Variants in SLC5A11 observed in about 807,000 individuals in gnomAD.
SLC5A11 encodes the protein sodium/myo-inositol cotransporter 2.
SLC5A11 carries 48 observed loss-of-function variants against 69.8 expected under a neutral mutation model. The ratio of observed to expected loss-of-function variants is 0.69; its 90% CI spans 0.55 to 0.87. SLC5A11 has a LOEUF of 0.87. SLC5A11 is among the 40% of genes least tolerant of loss of function. SLC5A11 has a pLI of 0.00. For missense variants in SLC5A11, 784 were observed against 866.1 expected (o/e 0.91, Z 1.19); for synonymous variants, 319 against 342.4 (o/e 0.93, Z 0.75).
At chr16:24,850,166 G>A (rs1200816035) in intron 1 of SLC5A11, among the ~76,000 whole-genome samples, 1 of 152,076 alleles carries the variant, frequency 6.6e-6, no homozygotes, top group Admixed American at 6.5e-5. Flanking sequence ...CCCAAGCTGG[G>A]CTCAAACTCC....
chr16:24,866,937 G>T (rs965187808), intron 3 of SLC5A11, among the ~76,000 whole-genome samples: 1 of 152,064 alleles, frequency 6.6e-6, no homozygotes, highest in Non-Finnish European at 1.5e-5. Flanking sequence ...CTAATAATTG[G>T]TGACTTTAAT....
At chr16:24,863,651 C>CA (rs34129044) in intron 3 of SLC5A11, among the ~76,000 whole-genome samples, 22,045 of 142,514 alleles carry the variant, frequency 0.15, 2,041 homozygotes, top group Non-Finnish European at 0.22. Context: ...AGAAGTGAAG[C>CA]AAAAAAAAAA....
Position 24,877,459 on chromosome 16 carries a change from T to G in SLC5A11, c.583+96T>G, listed in dbSNP as rs1462283225. The G allele has an allele frequency of 1.2e-5, 10 of 863,016 alleles. No homozygotes were observed. In the East Asian group the frequency reaches 2.5e-4, roughly 21 times the overall value. The allele number at this position is 863,016 out of a possible 1,614,324, so 53.5% of individuals were successfully genotyped here. ...TTGCCCATCTTCTGATGTTCCATTG[T>G]GCTAAGACCCATTTATTCATTAAAC... On this transcript the variant is annotated intron_variant, in intron 7 of 15. Transcript: ENST00000347898.
intron 3 of SLC5A11, among the ~76,000 whole-genome samples, chr16:24,867,590 G>GAA (rs2046994617): frequency 6.6e-6 from 1 of 151,880 alleles, no homozygotes; most frequent in Non-Finnish European, 1.5e-5. Flanking sequence ...TTTGTTCTTT[G>GAA]AAAACATCAA....
At chr16:24,885,261 T>A (rs12922201) in intron 8 of SLC5A11, among the ~76,000 whole-genome samples, 58,148 of 151,846 alleles carry the variant, frequency 0.38, 12,359 homozygotes, top group Non-Finnish European at 0.48. Context: ...GTTATTTTGT[T>A]GATTAGCCAA....
At chr16:24,889,156 AAG>A (rs1277812227) in intron 8 of SLC5A11, among the ~76,000 whole-genome samples, 1 of 152,152 alleles carries the variant, frequency 6.6e-6, no homozygotes, top group Non-Finnish European at 1.5e-5. Flanking sequence ...CCAAGAAAAA[AAG>A]AGAAAACAGC....
chr16:24,905,650 A>ACG (rs1264219138), intron 10 of SLC5A11, among the ~76,000 whole-genome samples: 1 of 144,944 alleles, frequency 6.9e-6, no homozygotes, highest in African/African-American at 2.5e-5. Flanking sequence ...GCACACACAC[A>ACG]CACACACACA....
At chr16:24,868,387 C>G (rs1346478687) in intron 3 of SLC5A11, among the ~76,000 whole-genome samples, 9 of 148,026 alleles carry the variant, frequency 6.1e-5, no homozygotes, top group Non-Finnish European at 6.0e-5. Flanking sequence ...TCAGGAGACC[C>G]AGACCATCCT....
intron 6 of SLC5A11, chr16:24,876,949 G>T (rs936667141): frequency 2.7e-6 from 1 of 366,452 alleles, no homozygotes; most frequent in Non-Finnish European, 3.8e-6. Context: ...AGTTTGAGTG[G>T]GGAGGAGAAG....
At chr16:24,881,241 G>A (rs1293649087) in intron 7 of SLC5A11, among the ~76,000 whole-genome samples, 2 of 151,564 alleles carry the variant, frequency 1.3e-5, no homozygotes, top group Admixed American at 6.6e-5. Flanking sequence ...GGTGTGAGAT[G>A]ATATCTCATT....
At chr16:24,883,582 C>G (rs190280159) in intron 7 of SLC5A11, among the ~76,000 whole-genome samples, 1 of 152,134 alleles carries the variant, frequency 6.6e-6, no homozygotes, top group African/African-American at 2.4e-5. Flanking sequence ...AATTATAGTT[C>G]GGTGTTAGGT....
chr16:24,865,498 A>G (rs1280722674), intron 3 of SLC5A11, among the ~76,000 whole-genome samples: 5 of 152,200 alleles, frequency 3.3e-5, no homozygotes, highest in Non-Finnish European at 7.3e-5. Flanking sequence ...CGGAGGTTGC[A>G]GTGAGCTGAG....
At chr16:24,849,696 C>T (rs1164440601) in intron 1 of SLC5A11, among the ~76,000 whole-genome samples, 5 of 145,592 alleles carry the variant, frequency 3.4e-5, no homozygotes, top group African/African-American at 1.3e-4. Context: ...TGTCTATTCT[C>T]TCTGGAATAA....
intron 7 of SLC5A11, 123 bp from the exon 9 acceptor site, chr16:24,883,928 T>C: frequency 1.2e-6 from 1 of 806,088 alleles, no homozygotes; most frequent in Non-Finnish European, 2.0e-6. Flanking sequence ...GTGGCCATCT[T>C]TGCAATCAGT....
rs1367662744 is a variant in SLC5A11 at position 24,897,957 on chromosome 16, C to T, written c.871-17C>T. On this transcript the variant is annotated splice_polypyrimidine_tract_variant and intron_variant, in intron 9 of 15. Transcript: ENST00000347898. Reference sequence around the variant, plus strand: ...ATATCAGCATTCCCAGTTTCCAACCCCCTTGATCTTTTCCAGGTGATTGTC... The same window carrying T: ...ATATCAGCATTCCCAGTTTCCAACCTCCTTGATCTTTTCCAGGTGATTGTC... 6.2e-7 allele frequency: 1 copy of T among 1,613,146 alleles called. No homozygotes were observed. Among genetic ancestry groups the T allele is most frequent in the African/African-American group, 1.3e-5 (1 of 74,896 alleles).
intron 7 of SLC5A11, among the ~76,000 whole-genome samples, chr16:24,881,776 A>AG (rs2048059452): frequency 6.6e-6 from 1 of 152,124 alleles, no homozygotes; most frequent in Non-Finnish European, 1.5e-5. Flanking sequence ...ATTCCACTCC[A>AG]GGGGGTGCCA....
In SLC5A11 at chr16:24,906,729, C is replaced by T. The variant is rs769262793; in HGVS notation, c.1079C>T (p.Ala360Val). ...AACCCCTCAGGCTGTTCGGACATCG[C>T]GTATCCCAAACTCGTGCTGGAACTC... The change falls in exon 11 of 16, where the codon GCG becomes GTG. Residue 360 changes from alanine to valine, a missense_variant. Ala to Val is a moderately conservative substitution (Grantham distance 64). Transcript: ENST00000347898. The T allele has an allele frequency of 8.7e-6, 14 of 1,613,358 alleles. No individual in the cohort carries two copies. The highest frequency in any genetic ancestry group is 4.5e-5 in the East Asian group (2 of 44,884).
chr16:24,871,652 G>A (rs1019197522), intron 4 of SLC5A11, among the ~76,000 whole-genome samples: 3 of 152,246 alleles, frequency 2.0e-5, no homozygotes, highest in Admixed American at 1.3e-4. Context: ...ACCATTATGA[G>A]GGTCAAATGA....
At chr16:24,907,844 C>T (rs1304398005) in intron 12 of SLC5A11, 119 bp from the exon 14 acceptor site, 2 of 1,334,304 alleles carry the variant, frequency 1.5e-6, no homozygotes, top group South Asian at 2.6e-5. Context: ...TATGCTCTCA[C>T]CACTGCACCC....
Sources: gnomAD v4.1 joint callset for allele counts (sites outside exome capture counted in the v4.1 genomes callset) on GRCh38, gnomAD v4.1.1 for gene constraint, MANE v1.5 for transcripts, NCBI Gene and HGNC (gene_info 2026-07-23, HGNC 2026-07-21) for gene names.